The following LINGO2 variants were observed in gnomAD, a reference collection of about 807,000 sequenced individuals.
The protein encoded by LINGO2 is leucine rich repeat and Ig domain containing 2.
LINGO2 carries 14 observed loss-of-function variants against 30.6 expected under a neutral mutation model. The ratio of observed to expected loss-of-function variants is 0.46; its 90% CI spans 0.30 to 0.72. The LOEUF is 0.72. Among genes scored for constraint, LINGO2 ranks in the 30% least tolerant of loss-of-function variants. The pLI, the probability that LINGO2 is intolerant of heterozygous loss-of-function variation, is 0.07. For missense variants in LINGO2, 729 were observed against 751.7 expected, an observed-to-expected ratio of 0.97 and a Z score of 0.35; for synonymous variants, 317 against 288.5, an observed-to-expected ratio of 1.10 and a Z score of -1.00.
the LINGO2 span, among the ~76,000 whole-genome samples, chr9:28,703,597 T>C: frequency 6.6e-6 from 1 of 151,918 alleles, no homozygotes; most frequent in Non-Finnish European, 1.5e-5. Context: ...CCAATAGATA[T>C]CAATTACAAG....
At position 28,198,644 on chromosome 9, in the gene LINGO2, AATC is replaced by A. The variant is rs541597671; in HGVS notation, c.-87+96561_-87+96563del. ...GAGGTCACAACCATCACTTAACAAA[AATC>A]ATCATTTTTTTTCCACTATACTTTT... On this transcript the variant is annotated intron_variant, in intron 4 of 5. Coordinates refer to ENST00000379992, the Ensembl canonical transcript of LINGO2. Among the ~76,000 whole-genome samples the A allele has an allele frequency of 5.9e-5, 9 of 152,320 alleles. No individual in the cohort carries two copies. The South Asian group carries it at 1.7e-3, about 28-fold the overall frequency.
At chr9:29,062,122 C>T in the LINGO2 span, among the ~76,000 whole-genome samples, 1 of 151,980 alleles carries the variant, frequency 6.6e-6, no homozygotes, top group Non-Finnish European at 1.5e-5. Flanking sequence ...CAATAAGATA[C>T]CACTTCACAT....
chr9:28,893,894 C>T, the LINGO2 span, among the ~76,000 whole-genome samples: 1 of 151,882 alleles, frequency 6.6e-6, no homozygotes, highest in South Asian at 2.1e-4. Context: ...AATGCTATCC[C>T]TCCCCCCTGC....
intron 1 of LINGO2, among the ~76,000 whole-genome samples, chr9:28,597,088 C>A (rs1825220331): frequency 6.6e-6 from 1 of 152,206 alleles, no homozygotes; most frequent in African/African-American, 2.4e-5. Context: ...CAAAGATATT[C>A]TTCACGGGGT....
At chr9:28,007,250 T>C (rs773298616) in intron 5 of LINGO2, among the ~76,000 whole-genome samples, 8 of 152,088 alleles carry the variant, frequency 5.3e-5, no homozygotes, top group Non-Finnish European at 7.4e-5. Flanking sequence ...CGTTAGGAAG[T>C]GGCGCCAAAC....
chr9:28,212,398 C>T (rs1000896387), intron 4 of LINGO2, among the ~76,000 whole-genome samples: 1 of 151,408 alleles, frequency 6.6e-6, no homozygotes, highest in Non-Finnish European at 1.5e-5. Flanking sequence ...TTGACATATT[C>T]TAAAGCCTAG....
intron 4 of LINGO2, among the ~76,000 whole-genome samples, chr9:28,021,502 AT>A (rs1218073927): frequency 1.1e-4 from 17 of 152,156 alleles, no homozygotes; most frequent in Admixed American, 1.1e-3. Flanking sequence ...TGTCAATTAG[AT>A]TAAGTTGATT....
At chr9:28,420,032 A>C (rs905741032) in intron 2 of LINGO2, among the ~76,000 whole-genome samples, 1 of 152,082 alleles carries the variant, frequency 6.6e-6, no homozygotes, top group African/African-American at 2.4e-5. Flanking sequence ...ATAGTATATC[A>C]AAGTTAAGAA....
intron 5 of LINGO2, among the ~76,000 whole-genome samples, chr9:28,006,438 T>C (rs1231936435): frequency 6.6e-6 from 1 of 152,166 alleles, no homozygotes; most frequent in Non-Finnish European, 1.5e-5. Flanking sequence ...ATACAGCTTG[T>C]ATTCAGCCAC....
At chr9:28,463,602 G>GA (rs1424721363) in intron 2 of LINGO2, among the ~76,000 whole-genome samples, 2 of 152,024 alleles carry the variant, frequency 1.3e-5, no homozygotes, top group African/African-American at 4.8e-5. Context: ...TGCCATAAAG[G>GA]AAAAATCATG....
At chr9:28,135,872 C>G (rs185813926) in intron 4 of LINGO2, among the ~76,000 whole-genome samples, 68 of 152,244 alleles carry the variant, frequency 4.5e-4, no homozygotes, top group Non-Finnish European at 8.1e-4. Flanking sequence ...GCCCTTATCT[C>G]AAACACAACT....
chr9:28,248,152 C>T (rs1432601024), intron 4 of LINGO2, among the ~76,000 whole-genome samples: 1 of 152,002 alleles, frequency 6.6e-6, no homozygotes, highest in Non-Finnish European at 1.5e-5. Context: ...GGATATTTGC[C>T]CTCCTATGTT....
At chr9:27,969,577 T>C (rs1258502156) in intron 5 of LINGO2, among the ~76,000 whole-genome samples, 2 of 152,116 alleles carry the variant, frequency 1.3e-5, no homozygotes, top group Admixed American at 1.3e-4. Context: ...TCATTACCAT[T>C]TTGTAGATAA....
chr9:29,145,562 G>A, the LINGO2 span, among the ~76,000 whole-genome samples: 1 of 107,368 alleles, frequency 9.3e-6, no homozygotes, highest in Non-Finnish European at 2.2e-5. Context: ...ATAGTTATCT[G>A]TCTCTGTACA....
chr9:29,069,092 G>C, the LINGO2 span, among the ~76,000 whole-genome samples: 1 of 151,718 alleles, frequency 6.6e-6, no homozygotes, highest in Non-Finnish European at 1.5e-5. Context: ...GAATGGTAAG[G>C]GACAATTATA....
chr9:28,845,193 C>A, the LINGO2 span, among the ~76,000 whole-genome samples: 2 of 151,870 alleles, frequency 1.3e-5, no homozygotes, highest in Non-Finnish European at 2.9e-5. Flanking sequence ...AATGAGAAAG[C>A]TGTACTTGAC....
the LINGO2 span, among the ~76,000 whole-genome samples, chr9:28,737,723 A>G: frequency 3.3e-5 from 5 of 152,008 alleles, no homozygotes; most frequent in African/African-American, 9.7e-5. Context: ...CTTTTCAAGT[A>G]TTTTTATGGA....
chr9:28,312,843 T>TG (rs1824684895), intron 3 of LINGO2, among the ~76,000 whole-genome samples: 2 of 152,314 alleles, frequency 1.3e-5, no homozygotes, highest in African/African-American at 4.8e-5. Flanking sequence ...AATCACCTTG[T>TG]GCCTTTATTC....
At chr9:28,848,425 ATATACTGTATATAG>A in the LINGO2 span, among the ~76,000 whole-genome samples, 235 of 123,168 alleles carry the variant, frequency 1.9e-3, no homozygotes, top group Non-Finnish European at 3.4e-3. Context: ...ATATATATAT[ATATACTGTATATAG>A]TATATATACC....
Sources: gnomAD v4.1 joint callset for allele counts (sites outside exome capture counted in the v4.1 genomes callset) on GRCh38, gnomAD v4.1.1 for gene constraint, MANE v1.5 for transcripts, NCBI Gene and HGNC (gene_info 2026-07-23, HGNC 2026-07-21) for gene names.